PIK3C3: variants seen among roughly 807,000 people sequenced by gnomAD.
PIK3C3 encodes the protein PI3-kinase type 3.
A neutral mutation model predicts 126.1 loss-of-function variants in PIK3C3; 95 were observed. That is an observed-to-expected ratio of 0.75 (90% CI 0.64 to 0.89). The LOEUF (loss-of-function observed/expected upper bound fraction) is 0.89, where lower values mean the gene tolerates loss of function less well. Among genes scored for constraint, PIK3C3 ranks in the 40% least tolerant of loss-of-function variants. PIK3C3 has a pLI of 0.00. For synonymous variants in PIK3C3, 374 were observed against 360.0 expected, an observed-to-expected ratio of 1.04 and a Z score of -0.44; for missense variants, 829 against 1,063.2, an observed-to-expected ratio of 0.78 and a Z score of 3.06.
chr18:42,022,094 C>T (rs575519936), intron 13 of PIK3C3, among the ~76,000 whole-genome samples: 4 of 152,228 alleles, frequency 2.6e-5, no homozygotes, highest in African/African-American at 4.8e-5. Flanking sequence ...TGGGTACTGC[C>T]CCTGTACTTA....
At chr18:42,014,172 C>T (rs569610108) in intron 11 of PIK3C3, among the ~76,000 whole-genome samples, 26 of 135,832 alleles carry the variant, frequency 1.9e-4, no homozygotes, top group African/African-American at 6.4e-4. Flanking sequence ...TGCACCAGTG[C>T]GCTCCAGCCT....
rs1984178623 is a variant in PIK3C3, at chr18:42,038,851, G to GT, written c.2038+2dup. The GT allele has an allele frequency of 1.3e-6, 2 of 1,566,348 alleles. No homozygotes were observed. The highest frequency in any genetic ancestry group is 1.8e-6 in the Non-Finnish European group (2 of 1,141,070). On this transcript the variant is annotated splice_donor_variant, in intron 18 of 24. Coordinates refer to ENST00000262039, the MANE Select transcript of PIK3C3 (RefSeq NM_002647.4). LOFTEE classifies it high-confidence loss of function. ...GTGTTAGCCACCAGTACAAAACATG[G>GT]TAAGTGTATTTTACATCATTATTAT...
chr18:41,970,263 C>T lies in PIK3C3; in HGVS notation c.402-64C>T, dbSNP rs770007176. ...TAGAATTCTCTTTATTTTTAGGAAT[C>T]TAAAATTTCCTGTAATGAACTGTAT... On this transcript the variant is annotated intron_variant, in intron 3 of 24. Transcript: ENST00000262039. The T allele has an allele frequency of 4.3e-6, 6 of 1,395,898 alleles. No individual in the cohort carries two copies. In the African/African-American group the frequency reaches 7.2e-5, roughly 17 times the overall value. The allele number at this position is 1,395,898 out of a possible 1,614,324, so 86.5% of individuals were successfully genotyped here. A position where few individuals can be genotyped will look rare whatever the true frequency, so the allele number is the denominator to read the frequency against.
intron 24 of PIK3C3, among the ~76,000 whole-genome samples, chr18:42,075,017 C>T (rs1045634124): frequency 1.5e-4 from 23 of 152,248 alleles, no homozygotes; most frequent in African/African-American, 5.3e-4. Flanking sequence ...ATATGTAATT[C>T]ATATAGTCTC....
intron 15 of PIK3C3, among the ~76,000 whole-genome samples, chr18:42,032,718 A>C (rs372652247): frequency 1.9e-4 from 29 of 151,824 alleles, no homozygotes; most frequent in African/African-American, 6.5e-4. Flanking sequence ...CTTTACTCTC[A>C]AATTAGTTGA....
intron 12 of PIK3C3, among the ~76,000 whole-genome samples, chr18:42,019,907 T>G (rs1384476192): frequency 6.6e-6 from 1 of 152,130 alleles, no homozygotes; most frequent in Admixed American, 6.6e-5. Context: ...ATTAATGCCT[T>G]TCTTTCCTTC....
chr18:41,986,985 T>C (rs960328107), intron 4 of PIK3C3, among the ~76,000 whole-genome samples: 2 of 152,058 alleles, frequency 1.3e-5, no homozygotes, highest in Admixed American at 1.3e-4. Context: ...TTGGTGGCAG[T>C]GTTTGCTGTT....
chr18:42,054,346 G>T (rs1447015797), intron 21 of PIK3C3, among the ~76,000 whole-genome samples: 1 of 150,968 alleles, frequency 6.6e-6, no homozygotes, highest in Non-Finnish European at 1.5e-5. Context: ...ACGAGAGAAA[G>T]ATGTAGGCTG....
intron 4 of PIK3C3, among the ~76,000 whole-genome samples, chr18:41,978,208 G>A (rs1361643745): frequency 6.6e-6 from 1 of 152,174 alleles, no homozygotes; most frequent in African/African-American, 2.4e-5. Flanking sequence ...TCCTGCCTCA[G>A]CCTCCCAAAC....
chr18:42,076,110 A>ATATATATATATATATG lies in PIK3C3; in HGVS notation c.2650-5002_2650-5001insATATGTATATATATAT, dbSNP rs1568013498. Among the ~76,000 whole-genome samples, 27 of 80,312 alleles carry ATATATATATATATATG rather than the reference A, an allele frequency of 3.4e-4. 3 individuals carry two copies. The highest frequency in any genetic ancestry group is 1.2e-3 in the Admixed American group (10 of 8,556). 52.7% of individuals were successfully genotyped at this position (80,312 alleles called of 152,430 possible). Reference sequence around the variant, plus strand: ...CTTGCATATATATATATATATATATATATATATATATGCGCATATATATAT... The same window carrying ATATATATATATATATG: ...CTTGCATATATATATATATATATATATATATATATATATATGTATATATATATGCGCATATATATAT... On this transcript the variant is annotated intron_variant, in intron 24 of 24. Transcript: ENST00000262039.
chr18:42,026,426 T>G (rs1444198314), intron 13 of PIK3C3: 1 of 152,194 alleles, frequency 6.6e-6, no homozygotes, highest in Admixed American at 6.5e-5. Context: ...TACATCTGTG[T>G]GCATATGTGG....
intron 22 of PIK3C3, among the ~76,000 whole-genome samples, chr18:42,064,096 T>C (rs962980374): frequency 1.2e-4 from 19 of 152,284 alleles, no homozygotes; most frequent in African/African-American, 4.3e-4. Flanking sequence ...AGTTTGAGGA[T>C]TGGTGAAGAG....
At chr18:42,066,652 G>A (rs565312251) in intron 23 of PIK3C3, among the ~76,000 whole-genome samples, 8 of 152,212 alleles carry the variant, frequency 5.3e-5, no homozygotes, top group African/African-American at 1.9e-4. Flanking sequence ...ATAATATTTG[G>A]CATGGCATTT....
intron 24 of PIK3C3, among the ~76,000 whole-genome samples, chr18:42,077,907 G>T (rs1466859556): frequency 6.6e-6 from 1 of 152,194 alleles, no homozygotes; most frequent in East Asian, 1.9e-4. Flanking sequence ...GGACTTGAAA[G>T]TAGAGTAACT....
chr18:42,040,410 A>G (rs1446424215), intron 18 of PIK3C3, among the ~76,000 whole-genome samples: 2 of 152,064 alleles, frequency 1.3e-5, no homozygotes, highest in African/African-American at 4.8e-5. Flanking sequence ...AGCTTAGTCT[A>G]TTAGTTTTCG....
At chr18:42,043,466 G>T (rs1309782826) in intron 19 of PIK3C3, among the ~76,000 whole-genome samples, 1 of 151,918 alleles carries the variant, frequency 6.6e-6, no homozygotes, top group Non-Finnish European at 1.5e-5. Context: ...TTGTTTGTTT[G>T]TTTTTTGTTT....
intron 21 of PIK3C3, among the ~76,000 whole-genome samples, chr18:42,053,821 G>T (rs760849801): frequency 2.0e-5 from 3 of 151,854 alleles, no homozygotes; most frequent in Non-Finnish European, 4.4e-5. Context: ...AATGCAATCA[G>T]TATTTGAAAT....
At chr18:42,020,066 G>A (rs1983253183) in intron 12 of PIK3C3, among the ~76,000 whole-genome samples, 1 of 152,008 alleles carries the variant, frequency 6.6e-6, no homozygotes, top group South Asian at 2.1e-4. Context: ...TACTTCACAG[G>A]ACAACCAGTC....
At chr18:42,077,880 G>GTAT (rs1986088044) in intron 24 of PIK3C3, among the ~76,000 whole-genome samples, 1 of 152,170 alleles carries the variant, frequency 6.6e-6, no homozygotes, top group African/African-American at 2.4e-5. Flanking sequence ...CTTACGAAAT[G>GTAT]TATTTCTTAA....
Sources: gnomAD v4.1 joint callset for allele counts (sites outside exome capture counted in the v4.1 genomes callset) on GRCh38, gnomAD v4.1.1 for gene constraint, MANE v1.5 for transcripts, NCBI Gene and HGNC (gene_info 2026-07-23, HGNC 2026-07-21) for gene names.